Variants in XKR6 observed in about 807,000 individuals in gnomAD.
XKR6 encodes XK related 6.
A neutral mutation model predicts 56.7 loss-of-function variants in XKR6; 22 were observed. The observed-to-expected ratio is 0.39, with a 90% confidence interval of 0.28 to 0.55. The LOEUF is 0.55. Among genes scored for constraint, XKR6 ranks in the 20% least tolerant of loss-of-function variants. XKR6 has a pLI of 0.66. For missense variants in XKR6, 852 were observed against 889.0 expected, an observed-to-expected ratio of 0.96 and a Z score of 0.53; for synonymous variants, 524 against 387.8, an observed-to-expected ratio of 1.35 and a Z score of -4.13.
intron 1 of XKR6, among the ~76,000 whole-genome samples, chr8:10,951,665 A>T (rs1358888260): frequency 6.6e-6 from 1 of 152,170 alleles, no homozygotes; most frequent in African/African-American, 2.4e-5. Flanking sequence ...GCAGAGTCTC[A>T]TCTTCCCCTG....
At chr8:11,061,693 A>G (rs1226889121) in intron 1 of XKR6, among the ~76,000 whole-genome samples, 2 of 152,184 alleles carry the variant, frequency 1.3e-5, no homozygotes, top group African/African-American at 4.8e-5. Flanking sequence ...TACAGAGGAA[A>G]GAGAATTAAA....
intron 2 of XKR6, among the ~76,000 whole-genome samples, chr8:10,920,159 A>T (rs114513918): frequency 1.7e-4 from 26 of 152,298 alleles, no homozygotes; most frequent in African/African-American, 6.3e-4. Context: ...CCCTAATGGT[A>T]TACAGTGGAC....
chr8:11,017,122 G>C (rs559562640), intron 1 of XKR6, among the ~76,000 whole-genome samples: 2 of 152,338 alleles, frequency 1.3e-5, no homozygotes, highest in African/African-American at 4.8e-5. Context: ...GATAGTTATA[G>C]ATGATAAAAA....
intron 1 of XKR6, among the ~76,000 whole-genome samples, chr8:11,187,811 G>A (rs1803354959): frequency 1.3e-5 from 2 of 152,136 alleles, no homozygotes; most frequent in African/African-American, 2.4e-5. Flanking sequence ...AAACTGGCCT[G>A]CAGAATAAAC....
intron 1 of XKR6, among the ~76,000 whole-genome samples, chr8:10,942,671 T>G (rs1801421244): frequency 6.6e-6 from 1 of 152,174 alleles, no homozygotes; most frequent in African/African-American, 2.4e-5. Context: ...AGCGCCACGC[T>G]GCCCCCATTA....
rs570496227 is a variant in XKR6 at position 10,942,638 on chromosome 8, G to T, written c.765-17808C>A. Among the ~76,000 whole-genome samples, 51 of 152,322 alleles carry T rather than the reference G, an allele frequency of 3.3e-4. No homozygotes were observed. The East Asian group carries it at 8.9e-3, about 27-fold the overall frequency. On this transcript the variant is annotated intron_variant, in intron 1 of 2. Coordinates refer to ENST00000416569, the MANE Select transcript of XKR6 (RefSeq NM_173683.4). ...AAATTACGAAGTAAGCACTATGTGAGCAGATCCAGGTGTTCCAAATTCAGC... is the reference window on the plus strand; with the variant it reads ...AAATTACGAAGTAAGCACTATGTGATCAGATCCAGGTGTTCCAAATTCAGC...
rs376514830 is a variant in XKR6 at position 11,100,186 on chromosome 8, G to A, written c.764+100390C>T. Among the ~76,000 whole-genome samples, 4 of 152,240 alleles carry A rather than the reference G, an allele frequency of 2.6e-5. No homozygotes were observed. The East Asian group carries it at 7.7e-4, about 29-fold the overall frequency. On this transcript the variant is annotated intron_variant, in intron 1 of 2. Transcript: ENST00000416569. ...TTCCACTTCAGCCTCCCAAGTAGCT[G>A]GGACTACAGGCATAAGCCATCATGC...
intron 1 of XKR6, among the ~76,000 whole-genome samples, chr8:11,033,716 T>C (rs1799064684): frequency 6.6e-6 from 1 of 152,012 alleles, no homozygotes; most frequent in African/African-American, 2.4e-5. Flanking sequence ...GCTCAAAGGG[T>C]AGTCTGAGAA....
At chr8:10,962,043 G>T (rs1489026347) in intron 1 of XKR6, among the ~76,000 whole-genome samples, 1 of 152,186 alleles carries the variant, frequency 6.6e-6, no homozygotes, top group Non-Finnish European at 1.5e-5. Flanking sequence ...TTAAAATGCT[G>T]ATCTTACTGT....
At chr8:10,988,156 C>G (rs182282179) in intron 1 of XKR6, among the ~76,000 whole-genome samples, 4 of 152,238 alleles carry the variant, frequency 2.6e-5, no homozygotes, top group South Asian at 2.1e-4. Flanking sequence ...TTGTTTTTTG[C>G]CCCTTACCCC....
At chr8:11,190,178 G>C (rs1416601248) in intron 1 of XKR6, among the ~76,000 whole-genome samples, 1 of 68,780 alleles carries the variant, frequency 1.5e-5, no homozygotes, top group African/African-American at 7.6e-5. Flanking sequence ...AGAAAGAAAA[G>C]AAAGAAAAGA....
intron 1 of XKR6, among the ~76,000 whole-genome samples, chr8:10,970,340 G>T (rs1802368338): frequency 1.3e-5 from 2 of 152,220 alleles, no homozygotes; most frequent in Admixed American, 6.5e-5. Context: ...TCCAATGAGG[G>T]CACTGGACCA....
chr8:11,090,094 T>C (rs1200134953), intron 1 of XKR6, among the ~76,000 whole-genome samples: 1 of 152,220 alleles, frequency 6.6e-6, no homozygotes, highest in Non-Finnish European at 1.5e-5. Context: ...GTCTCCTTTT[T>C]ATTTTCCCAC....
At chr8:11,175,821 C>A (rs986931373) in intron 1 of XKR6, among the ~76,000 whole-genome samples, 2 of 152,150 alleles carry the variant, frequency 1.3e-5, no homozygotes, top group Non-Finnish European at 2.9e-5. Context: ...ACTACACATC[C>A]GTCCGTCAAC....
At chr8:11,048,613 A>C (rs1316591853) in intron 1 of XKR6, among the ~76,000 whole-genome samples, 2 of 152,178 alleles carry the variant, frequency 1.3e-5, no homozygotes, top group Non-Finnish European at 2.9e-5. Context: ...ATTCGGATGC[A>C]CGGTGAGGTT....
At chr8:11,175,276 C>G (rs1228014812) in intron 1 of XKR6, 2 of 152,622 alleles carry the variant, frequency 1.3e-5, no homozygotes, top group African/African-American at 4.8e-5. Context: ...TGGGGCTGGA[C>G]ACAGGTGAAC....
intron 1 of XKR6, among the ~76,000 whole-genome samples, chr8:11,115,696 C>A (rs779866907): frequency 6.6e-6 from 1 of 152,122 alleles, no homozygotes; most frequent in Non-Finnish European, 1.5e-5. Context: ...TTCATCTTAA[C>A]CCATTTCTGC....
intron 1 of XKR6, among the ~76,000 whole-genome samples, chr8:10,997,273 G>T (rs1165553337): frequency 6.6e-6 from 1 of 152,114 alleles, no homozygotes; most frequent in Non-Finnish European, 1.5e-5. Context: ...GTTTTTTTCT[G>T]TGCTCCAAGA....
At chr8:10,964,589 G>T (rs530068164) in intron 1 of XKR6, among the ~76,000 whole-genome samples, 1 of 152,234 alleles carries the variant, frequency 6.6e-6, no homozygotes, top group East Asian at 1.9e-4. Flanking sequence ...CAACATCCTG[G>T]TCTTGAAAAT....
Sources: allele counts gnomAD v4.1 joint callset (sites outside exome capture counted in the v4.1 genomes callset), GRCh38; gene constraint gnomAD v4.1.1; transcripts MANE v1.5; gene names NCBI Gene and HGNC (gene_info 2026-07-23, HGNC 2026-07-21).